Variants in NR3C2 observed in about 807,000 individuals in gnomAD.
NR3C2 encodes mineralocorticoid receptor.
A neutral mutation model predicts 86.4 loss-of-function variants in NR3C2; 15 were observed. That is an observed-to-expected ratio of 0.17 (90% CI 0.12 to 0.27). The LOEUF (loss-of-function observed/expected upper bound fraction) is 0.27. Among genes scored for constraint, NR3C2 ranks in the 10% least tolerant of loss-of-function variants. NR3C2 has a pLI of 1.00. For synonymous variants in NR3C2, 458 were observed against 450.5 expected (o/e 1.02, Z -0.21); for missense variants, 960 against 1,195.6 (o/e 0.80, Z 2.91).
intron 2 of NR3C2, among the ~76,000 whole-genome samples, chr4:148,427,479 G>A (rs917417885): frequency 6.6e-6 from 1 of 151,872 alleles, no homozygotes; most frequent in African/African-American, 2.4e-5. Context: ...TCAAGCCCAA[G>A]GGTGGCTCAG....
At chr4:148,373,207 G>GCT (rs1227635437) in intron 2 of NR3C2, among the ~76,000 whole-genome samples, 1 of 151,938 alleles carries the variant, frequency 6.6e-6, no homozygotes, top group African/African-American at 2.4e-5. Context: ...GCCTCTCTTG[G>GCT]CTCTCTCTCC....
chr4:148,162,518 A>G (rs546093730), intron 4 of NR3C2, among the ~76,000 whole-genome samples: 28 of 152,302 alleles, frequency 1.8e-4, no homozygotes, highest in Non-Finnish European at 3.5e-4. Context: ...CTAGACTGAG[A>G]AAGAACCTCA....
rs1358495724 is a variant in NR3C2 at position 148,078,859 on chromosome 4, C to CTAATT, written c.*2480_*2484dup. On this transcript the variant is annotated 3_prime_UTR_variant, in exon 9 of 9. Coordinates refer to ENST00000358102, the MANE Select transcript of NR3C2 (RefSeq NM_000901.5). ...AAGATATAAATTGCTTCATTTTAAA[C>CTAATT]TAATTTAGTGTTTCTTTAAATTATA... 2 of 152,724 alleles carry CTAATT rather than the reference C, an allele frequency of 1.3e-5. No individual in the cohort carries two copies. The highest frequency in any genetic ancestry group is 1.3e-4 in the Admixed American group (2 of 15,302). The allele number at this position is 152,724 out of a possible 1,614,324, so 9.5% of individuals were successfully genotyped here. A position where few individuals can be genotyped will look rare whatever the true frequency, so the allele number is the denominator to read the frequency against.
At chr4:148,358,711 G>A (rs565597520) in intron 2 of NR3C2, among the ~76,000 whole-genome samples, 3 of 151,860 alleles carry the variant, frequency 2.0e-5, no homozygotes, top group Non-Finnish European at 4.4e-5. Flanking sequence ...TAATCACTGA[G>A]GTTTTAAAAG....
intron 8 of NR3C2, among the ~76,000 whole-genome samples, chr4:148,090,179 C>T (rs1436640784): frequency 1.3e-5 from 2 of 152,188 alleles, no homozygotes; most frequent in African/African-American, 4.8e-5. Flanking sequence ...GGGGAAGCTG[C>T]AGTGAACAGA....
intron 8 of NR3C2, among the ~76,000 whole-genome samples, chr4:148,109,525 C>A (rs1421787816): frequency 6.6e-6 from 1 of 152,204 alleles, no homozygotes; most frequent in Non-Finnish European, 1.5e-5. Flanking sequence ...GTCCCACCAT[C>A]CAGGGAACTG....
At chr4:148,106,139 TAAGCTGATAAGCA>T (rs1731786670) in intron 8 of NR3C2, among the ~76,000 whole-genome samples, 1 of 152,234 alleles carries the variant, frequency 6.6e-6, no homozygotes, top group Non-Finnish European at 1.5e-5. Context: ...AAAATCTCCT[TAAGCTGATAAGCA>T]ACTTCAGCAA....
chr4:148,234,858 T>C (rs940396819), intron 3 of NR3C2, among the ~76,000 whole-genome samples: 6 of 152,146 alleles, frequency 3.9e-5, no homozygotes, highest in Non-Finnish European at 7.4e-5. Context: ...CATATGCAGG[T>C]TTGCTATACA....
At chr4:148,269,358 G>A (rs1475696018) in intron 2 of NR3C2, among the ~76,000 whole-genome samples, 1 of 152,100 alleles carries the variant, frequency 6.6e-6, no homozygotes, top group African/African-American at 2.4e-5. Context: ...TGACCTTATC[G>A]ACGGTAGTTT....
intron 6 of NR3C2, among the ~76,000 whole-genome samples, chr4:148,132,206 A>C (rs903106145): frequency 6.6e-6 from 1 of 152,230 alleles, no homozygotes; most frequent in Non-Finnish European, 1.5e-5. Context: ...GTGATAAATC[A>C]CATTACAAAA....
chr4:148,334,765 G>A (rs1744398299), intron 2 of NR3C2, among the ~76,000 whole-genome samples: 1 of 152,130 alleles, frequency 6.6e-6, no homozygotes, highest in Non-Finnish European at 1.5e-5. Context: ...AAACAAGGTG[G>A]CTTAAACTAC....
At chr4:148,418,923 C>T (rs972187929) in intron 2 of NR3C2, among the ~76,000 whole-genome samples, 2 of 152,148 alleles carry the variant, frequency 1.3e-5, no homozygotes, top group Non-Finnish European at 2.9e-5. Flanking sequence ...TCATTTCTTA[C>T]ATATTCTCCC....
At chr4:148,325,637 C>G (rs1270410811) in intron 2 of NR3C2, among the ~76,000 whole-genome samples, 1 of 152,154 alleles carries the variant, frequency 6.6e-6, no homozygotes, top group Non-Finnish European at 1.5e-5. Context: ...AAGATCAAAA[C>G]AGATTTAAAC....
intron 7 of NR3C2, among the ~76,000 whole-genome samples, chr4:148,117,918 A>T (rs986978645): frequency 3.3e-5 from 5 of 151,826 alleles, no homozygotes; most frequent in African/African-American, 9.7e-5. Flanking sequence ...GTCACTAGGC[A>T]CTCTCTCCTC....
chr4:148,281,494 A>G (rs755266019), intron 2 of NR3C2, among the ~76,000 whole-genome samples: 2 of 152,226 alleles, frequency 1.3e-5, no homozygotes, highest in Non-Finnish European at 2.9e-5. Context: ...TTCCTTCACA[A>G]ATTTAGCAAA....
chr4:148,283,399 G>A (rs1741346215), intron 2 of NR3C2, among the ~76,000 whole-genome samples: 2 of 152,114 alleles, frequency 1.3e-5, no homozygotes, highest in Admixed American at 1.3e-4. Flanking sequence ...TTCCCTTCAT[G>A]CCAAGTTTAT....
intron 2 of NR3C2, among the ~76,000 whole-genome samples, chr4:148,305,510 G>A (rs4594704): frequency 0.27 from 40,438 of 148,128 alleles, 5,545 homozygotes; most frequent in Middle Eastern, 0.44. Context: ...AGAGTCCACC[G>A]GATCATTTTG....
intron 4 of NR3C2, among the ~76,000 whole-genome samples, chr4:148,183,732 A>C (rs1446289169): frequency 6.6e-6 from 1 of 152,216 alleles, no homozygotes. Flanking sequence ...AAAAATGCCA[A>C]TTGTTTATTC....
chr4:148,197,454 G>T (rs777464352), intron 3 of NR3C2, among the ~76,000 whole-genome samples: 3 of 152,144 alleles, frequency 2.0e-5, no homozygotes, highest in Non-Finnish European at 4.4e-5. Context: ...ATTTGCATAA[G>T]GGTTGGTCTG....
Sources: allele counts gnomAD v4.1 joint callset (sites outside exome capture counted in the v4.1 genomes callset), GRCh38; gene constraint gnomAD v4.1.1; transcripts MANE v1.5; gene names NCBI Gene and HGNC (gene_info 2026-07-23, HGNC 2026-07-21).